GLYATL3: variants seen among roughly 807,000 people sequenced by gnomAD.
GLYATL3 encodes the protein glycine-N-acyltransferase like 3.
Under a neutral mutation model 28.5 loss-of-function variants are expected in GLYATL3, and 31 were observed. The ratio of observed to expected loss-of-function variants is 1.09; its 90% CI spans 0.82 to 1.47. The LOEUF (loss-of-function observed/expected upper bound fraction) is 1.47. Among genes scored for constraint, GLYATL3 ranks in the 40% most tolerant of loss-of-function variants. The pLI is 0.00. For synonymous variants in GLYATL3, 141 were observed against 140.2 expected, an observed-to-expected ratio of 1.01 and a Z score of -0.04; for missense variants, 369 against 351.5, an observed-to-expected ratio of 1.05 and a Z score of -0.40.
At position 49,517,643 on chromosome 6, in the gene GLYATL3, T is replaced by A. The variant is rs1486783079; in HGVS notation, c.313+87T>A. ...GATAGTTATAGATATTTCATATATA[T>A]GAAAATATATAGATTATCTATACAC... is the stretch of plus-strand genomic sequence containing the variant. On this transcript the variant is annotated intron_variant, in intron 4 of 5. Coordinates refer to ENST00000371197, the MANE Select transcript of GLYATL3 (RefSeq NM_001010904.2). 1.2e-5 allele frequency: 11 copies of A among 948,538 alleles called. No individual in the cohort carries two copies. The Admixed American group carries it at 1.9e-4, about 17-fold the overall frequency. The allele number at this position is 948,538 out of a possible 1,614,324, so 58.8% of individuals were successfully genotyped here.
chr6:49,512,237 G>C (rs1769134305), intron 2 of GLYATL3, among the ~76,000 whole-genome samples, 169 bp downstream of exon 2: 1 of 147,904 alleles, frequency 6.8e-6, no homozygotes, highest in Admixed American at 6.8e-5. Context: ...TGAATAGACT[G>C]TGGATAAGGC....
chr6:49,521,763 C>A lies in GLYATL3; in HGVS notation c.432C>A (p.Thr144=). 1 of 1,551,214 alleles carries A rather than the reference C, an allele frequency of 6.4e-7. No individual in the cohort carries two copies. Among genetic ancestry groups the A allele is most frequent in the Non-Finnish European group, 8.7e-7 (1 of 1,146,780 alleles). Residue 144 remains threonine (T), a synonymous_variant, in exon 5 of 6, where the codon ACC becomes ACA. Coordinates refer to ENST00000371197, the MANE Select transcript of GLYATL3 (RefSeq NM_001010904.2). The part of the protein sequence containing the change: ...HFSPVSSLPD[T]SFLKGPSPRL... ...CTCCTGTTTCATCTCTGCCAGATAC[C>A]AGTTTCCTGTATGTAAACCAAGTTT...
intron 1 of GLYATL3, among the ~76,000 whole-genome samples, chr6:49,507,690 G>T (rs570593146): frequency 6.6e-6 from 1 of 152,066 alleles, no homozygotes; most frequent in Admixed American, 6.6e-5. Flanking sequence ...GATATTGAGG[G>T]ATCTAGCTAG....
rs181185766 is a variant in GLYATL3, at chr6:49,508,100, T to C, written c.-28-3863T>C. Among the ~76,000 whole-genome samples the C allele has an allele frequency of 1.3e-3, 193 of 152,052 alleles. 2 individuals carry two copies. The highest frequency in any genetic ancestry group is 4.4e-3 in the African/African-American group (181 of 41,462). ...TCGCAAGGTCAGGAGATCAAGACCA[T>C]CCTGGCTAACATGGTGAAACCCCGT... is the stretch of plus-strand genomic sequence containing the variant. On this transcript the variant is annotated intron_variant, in intron 1 of 5. Coordinates refer to ENST00000371197, the MANE Select transcript of GLYATL3 (RefSeq NM_001010904.2).
intron 2 of GLYATL3, among the ~76,000 whole-genome samples, chr6:49,514,024 G>T (rs1399597239): frequency 1.3e-5 from 2 of 152,126 alleles, no homozygotes; most frequent in Non-Finnish European, 2.9e-5. Flanking sequence ...AAAGTCCATT[G>T]AAATCTAACA....
Position 49,527,701 on chromosome 6 carries a change from A to G in GLYATL3, c.*787A>G, listed in dbSNP as rs1344489812. Among the ~76,000 whole-genome samples the G allele has an allele frequency of 6.6e-6, 1 of 152,122 alleles. No individual in the cohort carries two copies. Among genetic ancestry groups the G allele is most frequent in the Non-Finnish European group, 1.5e-5 (1 of 68,026 alleles). On this transcript the variant is annotated 3_prime_UTR_variant, in exon 6 of 6. Transcript: ENST00000371197. ...TAGAACTAGACTTTACCTATAACCTATTTCAGCCCCCTTATTTATAGTCTA... is the reference window on the plus strand; with the variant it reads ...TAGAACTAGACTTTACCTATAACCTGTTTCAGCCCCCTTATTTATAGTCTA...
intron 5 of GLYATL3, among the ~76,000 whole-genome samples, chr6:49,522,171 G>A (rs768199878): frequency 2.6e-5 from 4 of 151,894 alleles, no homozygotes; most frequent in East Asian, 1.9e-4. Context: ...CTTATGTTGC[G>A]CTCTTATGTG....
At chr6:49,500,532 ATTG>A (rs1490006348) in intron 1 of GLYATL3, among the ~76,000 whole-genome samples, 1 of 152,202 alleles carries the variant, frequency 6.6e-6, no homozygotes, top group Non-Finnish European at 1.5e-5. Context: ...TCATGCTTTC[ATTG>A]TTATGATAAA....
chr6:49,517,486 T>A lies in GLYATL3; in HGVS notation c.243T>A (p.Asp81Glu), dbSNP rs1011046153. The change falls in exon 4 of 6, where the codon GAT becomes GAA. Residue 81 changes from aspartate (D) to glutamate (E), a missense_variant. By Grantham distance (45) the Asp-to-Glu change is conservative. Transcript: ENST00000371197. The stretch of plus-strand genomic sequence containing the variant: ...ATGCCTATGCTGTGTTCTACAAGGA[T>A]GTCAGGGCTTATCGACAGCTATTGG... ...YTNAYAVFYK[D>E]VRAYRQLLEE... 6.4e-7 allele frequency: 1 copy of A among 1,550,648 alleles called. No individual in the cohort carries two copies. Among genetic ancestry groups the A allele is most frequent in the Admixed American group, 2.0e-5 (1 of 50,924 alleles).
rs538846312 is a variant in GLYATL3, at chr6:49,526,608, C to G, written c.561C>G (p.Cys187Trp). ...CLRYIANLIS[C>W]FPSVCVRDEK... ...GGTACATCGCCAACCTCATCTCCTG[C>G]TTCCCTAGTGTGTGTGTCCGGGATG... The change falls in exon 6 of 6, where the codon TGC (cysteine) becomes TGG (tryptophan). Residue 187 changes from cysteine (C) to tryptophan (W), a missense_variant. Coordinates refer to ENST00000371197, the MANE Select transcript of GLYATL3 (RefSeq NM_001010904.2). 9.0e-6 allele frequency: 14 copies of G among 1,551,926 alleles called. No individual in the cohort carries two copies. Among genetic ancestry groups the G allele is most frequent in the Non-Finnish European group, 1.1e-5 (13 of 1,147,074 alleles).
At chr6:49,503,174 G>A (rs192120165) in intron 1 of GLYATL3, among the ~76,000 whole-genome samples, 1 of 150,134 alleles carries the variant, frequency 6.7e-6, no homozygotes, top group Non-Finnish European at 1.5e-5. Context: ...AGCAAAGGGG[G>A]GGATATAAGT....
At chr6:49,516,928 C>G (rs1425889818) in intron 3 of GLYATL3, among the ~76,000 whole-genome samples, 1 of 151,576 alleles carries the variant, frequency 6.6e-6, no homozygotes. Context: ...GAGGCCTAGG[C>G]GGGCGGATCA....
At chr6:49,517,825 T>G (rs1007093947) in intron 4 of GLYATL3, among the ~76,000 whole-genome samples, 5 of 152,194 alleles carry the variant, frequency 3.3e-5, no homozygotes, top group Non-Finnish European at 7.3e-5. Flanking sequence ...GGTGACATGT[T>G]TTTTCTACTA....
chr6:49,522,950 T>C (rs1769342050), intron 5 of GLYATL3, among the ~76,000 whole-genome samples: 1 of 152,088 alleles, frequency 6.6e-6, no homozygotes, highest in South Asian at 2.1e-4. Context: ...GACATTATCC[T>C]TAAATATTTT....
At chr6:49,502,113 G>A (rs1242212096) in intron 1 of GLYATL3, among the ~76,000 whole-genome samples, 1 of 152,072 alleles carries the variant, frequency 6.6e-6, no homozygotes. Context: ...TAGTTTCAGG[G>A]GGTCTCCCTA....
In GLYATL3 at chr6:49,527,310, G is replaced by A. The variant is rs143272972; in HGVS notation, c.*396G>A. Among the ~76,000 whole-genome samples the A allele has an allele frequency of 6.6e-5, 10 of 152,188 alleles. No homozygotes were observed. Among genetic ancestry groups the A allele is most frequent in the East Asian group, 1.9e-4 (1 of 5,172 alleles). ...TGCTCTGTATTCTTAAAGCCACACC[G>A]CTTCCCTACTGCCATCATATTCCCC... is the stretch of plus-strand genomic sequence containing the variant. On this transcript the variant is annotated 3_prime_UTR_variant, in exon 6 of 6. Transcript: ENST00000371197.
In GLYATL3 at chr6:49,512,009, T is replaced by C; in HGVS notation, c.19T>C (p.Ser7Pro). The C allele has an allele frequency of 1.3e-6, 2 of 1,503,878 alleles. No individual in the cohort carries two copies. Among genetic ancestry groups the C allele is most frequent in the South Asian group, 1.2e-5 (1 of 80,738 alleles). The allele number at this position is 1,503,878 out of a possible 1,614,324, so 93.2% of individuals were successfully genotyped here. A position where few individuals can be genotyped will look rare whatever the true frequency, so the allele number is the denominator to read the frequency against. Residue 7 changes from serine to proline, a missense_variant, in exon 2 of 6, where the codon TCT becomes CCT. By Grantham distance (74) the Ser-to-Pro change is moderately conservative. Coordinates refer to ENST00000371197, the MANE Select transcript of GLYATL3 (RefSeq NM_001010904.2). Reference protein sequence around the residue: MLVLNCSTKLLILEKML... With the variant: MLVLNCPTKLLILEKML... Reference sequence around the variant, plus strand: ...GGAAAAGATGTTGGTGCTAAACTGTTCTACCAAATTACTGATACTGGAGAA... The same window carrying C: ...GGAAAAGATGTTGGTGCTAAACTGTCCTACCAAATTACTGATACTGGAGAA...
intron 5 of GLYATL3, among the ~76,000 whole-genome samples, chr6:49,522,625 T>C (rs1308570978): frequency 6.6e-6 from 1 of 152,204 alleles, no homozygotes; most frequent in East Asian, 1.9e-4. Flanking sequence ...TCCTGACACG[T>C]TGTTTTGCAA....
chr6:49,508,977 A>T (rs1015796356), intron 1 of GLYATL3, among the ~76,000 whole-genome samples: 13 of 143,638 alleles, frequency 9.1e-5, no homozygotes, highest in Admixed American at 7.1e-5. Context: ...ACTGTGTCAA[A>T]AATAATAATA....
Sources: allele counts gnomAD v4.1 joint callset (sites outside exome capture counted in the v4.1 genomes callset), GRCh38; gene constraint gnomAD v4.1.1; transcripts MANE v1.5; gene names NCBI Gene and HGNC (gene_info 2026-07-23, HGNC 2026-07-21).